Variants in NDUFS7 observed in about 807,000 individuals in gnomAD.
NDUFS7 encodes NADH dehydrogenase [ubiquinone] iron-sulfur protein 7, mitochondrial.
NDUFS7 carries 11 observed loss-of-function variants against 31.1 expected under a neutral mutation model. The observed-to-expected ratio is 0.35, with a 90% CI of 0.22 to 0.59. NDUFS7 has a LOEUF of 0.59. Among genes scored for constraint, NDUFS7 ranks in the 20% least tolerant of loss-of-function variants. The pLI, the probability that NDUFS7 is intolerant of heterozygous loss-of-function variation, is 0.79. For missense variants in NDUFS7, 263 were observed against 324.2 expected, an observed-to-expected ratio of 0.81 and a Z score of 1.45; for synonymous variants, 136 against 127.9, an observed-to-expected ratio of 1.06 and a Z score of -0.43.
In NDUFS7 at chr19:1,393,379, C is replaced by T. The variant is rs768761073; in HGVS notation, c.544+49C>T. On this transcript the variant is annotated intron_variant, in intron 7 of 7. Transcript: ENST00000233627. This position sits in a 1 kb window ranked among gnomAD's most constrained non-coding sequence, Gnocchi z 7.3. ...ACGAGGGAGCTGGAGACAGGGCCAGCGCCACACGGAGCCCGGCGGCCCCTG... is the reference window on the plus strand; with the variant it reads ...ACGAGGGAGCTGGAGACAGGGCCAGTGCCACACGGAGCCCGGCGGCCCCTG... The T allele has an allele frequency of 1.7e-5, 26 of 1,487,654 alleles. No individual in the cohort carries two copies. The highest frequency in any genetic ancestry group is 5.9e-5 in the Admixed American group (3 of 50,996). 92.2% of individuals were successfully genotyped at this position (1,487,654 alleles called of 1,614,324 possible).
At chr19:1,391,310 C>T (rs1395706492) in intron 6 of NDUFS7, 145 bp downstream of exon 6, 1 of 1,058,840 alleles carries the variant, frequency 9.4e-7, no homozygotes, top group East Asian at 2.6e-5. Context: ...GTCTCGGTGC[C>T]TCCACCCTAG....
At chr19:1,391,506 G>C (rs1331069538) in intron 6 of NDUFS7, among the ~76,000 whole-genome samples, 1 of 127,804 alleles carries the variant, frequency 7.8e-6, no homozygotes, top group East Asian at 2.2e-4. Context: ...TTTTTTTTGA[G>C]ACAGAGTCTT....
intron 1 of NDUFS7, chr19:1,386,957 A>G (rs1600145275): frequency 6.6e-6 from 1 of 152,316 alleles, no homozygotes; most frequent in Non-Finnish European, 1.5e-5. Context: ...GATTCCTGGC[A>G]CCTCCAGGTT....
Position 1,388,559 on chromosome 19 carries a change from G to A in NDUFS7, c.88G>A (p.Val30Ile), listed in dbSNP as rs1215927720. Residue 30 changes from valine to isoleucine, a missense_variant, in exon 3 of 8, where the codon GTC (valine) becomes ATC (isoleucine). Transcript: ENST00000233627. ...SVGPAVQARG[V>I]HQSVATDGPS... ...GGGCCCGGCTGTGCAGGCACGAGGT[G>A]TCCATCAGAGCGTGGCCACCGATGG... The A allele has an allele frequency of 6.2e-7, 1 of 1,611,982 alleles. No homozygotes were observed. Among genetic ancestry groups the A allele is most frequent in the South Asian group, 1.1e-5 (1 of 90,996 alleles).
At chr19:1,386,987 G>A (rs1219815922) in intron 1 of NDUFS7, 2 of 152,504 alleles carry the variant, frequency 1.3e-5, no homozygotes, top group Non-Finnish European at 1.5e-5. Flanking sequence ...TGAGTGCCCC[G>A]GGCGTGGCAA....
chr19:1,384,890 C>T (rs576218360), intron 1 of NDUFS7, among the ~76,000 whole-genome samples: 13 of 152,360 alleles, frequency 8.5e-5, no homozygotes, highest in Admixed American at 8.5e-4. Flanking sequence ...TGGCTCATCA[C>T]TGCAACCTGT....
intron 2 of NDUFS7, 84 bp from the exon 3 acceptor site, chr19:1,388,441 G>A (rs2082524309): frequency 4.0e-6 from 5 of 1,247,900 alleles, no homozygotes. Context: ...AGCAGGGAGG[G>A]GAGAGGCAGG....
rs2082583981 is a variant in NDUFS7 at position 1,394,707 on chromosome 19, TC to T, written c.545-683del. The T allele has an allele frequency of 1.1e-5, 13 of 1,187,032 alleles. No homozygotes were observed. The African/African-American group carries it at 2.3e-4, about 21-fold the overall frequency. The allele number at this position is 1,187,032 out of a possible 1,614,324, so 73.5% of individuals were successfully genotyped here. ...CTGCTCCCTCCCTGCGGACTGTGCT[TC>T]TCCCTCCCTTGGAGCAGCCTGGACT... is the stretch of plus-strand genomic sequence containing the variant. On this transcript the variant is annotated intron_variant, in intron 7 of 7. Coordinates refer to ENST00000233627, the MANE Select transcript of NDUFS7 (RefSeq NM_024407.5).
rs1457082674 is a variant in NDUFS7 at position 1,393,175 on chromosome 19, G to A, written c.456-67G>A. Reference sequence around the variant, plus strand: ...TTGAAGGCGGGTGGGGATGGGGCGAGGCCTCGTGGAGGGAGGGTGGGCAGG... The same window carrying A: ...TTGAAGGCGGGTGGGGATGGGGCGAAGCCTCGTGGAGGGAGGGTGGGCAGG... On this transcript the variant is annotated intron_variant, in intron 6 of 7. Transcript: ENST00000233627. This position sits in a 1 kb window ranked among gnomAD's most constrained non-coding sequence, Gnocchi z 7.3. 7.5e-7 allele frequency: 1 copy of A among 1,333,288 alleles called. No individual in the cohort carries two copies. Among genetic ancestry groups the A allele is most frequent in the South Asian group, 1.3e-5 (1 of 79,884 alleles). The allele number at this position is 1,333,288 out of a possible 1,614,324, so 82.6% of individuals were successfully genotyped here. A position where few individuals can be genotyped will look rare whatever the true frequency, so the allele number is the denominator to read the frequency against.
intron 7 of NDUFS7, chr19:1,394,578 G>GCGCCCCTCCCTCCCTGCA: frequency 1.6e-6 from 2 of 1,229,414 alleles, no homozygotes; most frequent in East Asian, 6.5e-5. Context: ...CCCTCCCTGC[G>GCGCCCCTCCCTCCCTGCA]GACCGCGCTC....
chr19:1,392,338 C>G (rs375252492), intron 6 of NDUFS7: 39 of 152,276 alleles, frequency 2.6e-4, no homozygotes, highest in African/African-American at 8.2e-4. Flanking sequence ...CTGTAGAGAT[C>G]AGGTCTTGAT....
chr19:1,393,383 A>G lies in NDUFS7; in HGVS notation c.544+53A>G. On this transcript the variant is annotated intron_variant, in intron 7 of 7. Coordinates refer to ENST00000233627, the MANE Select transcript of NDUFS7 (RefSeq NM_024407.5). The surrounding 1 kb of genome is among the most constrained non-coding windows in gnomAD (Gnocchi z 7.3). Reference sequence around the variant, plus strand: ...GGGAGCTGGAGACAGGGCCAGCGCCACACGGAGCCCGGCGGCCCCTGTGAG... The same window carrying G: ...GGGAGCTGGAGACAGGGCCAGCGCCGCACGGAGCCCGGCGGCCCCTGTGAG... 6.8e-7 allele frequency: 1 copy of G among 1,478,202 alleles called. No individual in the cohort carries two copies. Among genetic ancestry groups the G allele is most frequent in the Non-Finnish European group, 9.2e-7 (1 of 1,088,054 alleles). 91.6% of individuals were successfully genotyped at this position (1,478,202 alleles called of 1,614,324 possible).
intron 4 of NDUFS7, chr19:1,389,167 T>G (rs902904721): frequency 5.8e-6 from 4 of 694,752 alleles, no homozygotes; most frequent in East Asian, 2.7e-5. Flanking sequence ...ACATGCACAC[T>G]TGCACACACA....
chr19:1,395,525 T>TGTCCCCAGCCTGCTTGTGTCCC lies in NDUFS7; in HGVS notation c.*40_*61dup. 6.4e-7 allele frequency: 1 copy of TGTCCCCAGCCTGCTTGTGTCCC among 1,552,984 alleles called. No homozygotes were observed. The highest frequency in any genetic ancestry group is 8.7e-7 in the Non-Finnish European group (1 of 1,148,204). On this transcript the variant is annotated 3_prime_UTR_variant, in exon 8 of 8. Transcript: ENST00000233627. ...CCGCCGCCGGAGCCTGTCGCCGTCC[T>TGTCCCCAGCCTGCTTGTGTCCC]GTCCCCAGCCTGCTTGTGTCCCGTG...
In NDUFS7 at chr19:1,393,536, A is replaced by G; in HGVS notation, c.544+206A>G. ...GATGTATTCAGGCATCAGAGGGATC[A>G]GAGGGAGCAGGGGAAGCTGAGTGGA... On this transcript the variant is annotated intron_variant, in intron 7 of 7. Coordinates refer to ENST00000233627, the MANE Select transcript of NDUFS7 (RefSeq NM_024407.5). This position sits in a 1 kb window ranked among gnomAD's most constrained non-coding sequence, Gnocchi z 7.3. The G allele has an allele frequency of 1.5e-6, 1 of 675,728 alleles. No individual in the cohort carries two copies. The highest frequency in any genetic ancestry group is 2.7e-6 in the Non-Finnish European group (1 of 368,554). The allele number at this position is 675,728 out of a possible 1,614,324, so 41.9% of individuals were successfully genotyped here.
At chr19:1,385,636 T>A (rs2082502823) in intron 1 of NDUFS7, among the ~76,000 whole-genome samples, 1 of 152,086 alleles carries the variant, frequency 6.6e-6, no homozygotes, top group African/African-American at 2.4e-5. Context: ...CTGATCAACA[T>A]GGAGAAACCC....
intron 7 of NDUFS7, chr19:1,394,384 T>A (rs1290972577): frequency 7.8e-7 from 1 of 1,289,124 alleles, no homozygotes; most frequent in Non-Finnish European, 1.0e-6. Flanking sequence ...TGGGGCAAGT[T>A]GCGAGTGTGG....
At chr19:1,389,605 A>G in intron 4 of NDUFS7, 1 of 436,462 alleles carries the variant, frequency 2.3e-6, no homozygotes, top group Non-Finnish European at 4.7e-6. Flanking sequence ...AGTTAAAAGG[A>G]GCGCGTGTGA....
intron 3 of NDUFS7, 76 bp from the exon 4 acceptor site, chr19:1,388,757 C>T (rs2082527319): frequency 6.7e-7 from 1 of 1,492,110 alleles, no homozygotes. Flanking sequence ...CTGGCAGCGG[C>T]CGTGGGGGCT....
Sources: allele counts gnomAD v4.1 joint callset (sites outside exome capture counted in the v4.1 genomes callset), GRCh38; gene constraint gnomAD v4.1.1; non-coding constraint Gnocchi (gnomAD v3.1); transcripts MANE v1.5; gene names NCBI Gene and HGNC (gene_info 2026-07-23, HGNC 2026-07-21).